CNBD1: variants seen among roughly 807,000 people sequenced by gnomAD.
CNBD1 encodes cyclic nucleotide binding domain containing 1.
A neutral mutation model predicts 54.4 loss-of-function variants in CNBD1; 71 were observed. The ratio of observed to expected loss-of-function variants is 1.30; its 90% CI spans 1.08 to 1.59. The LOEUF (loss-of-function observed/expected upper bound fraction) is 1.59. CNBD1 is among the 40% of genes most tolerant of loss of function. The pLI is 0.00. For synonymous variants in CNBD1, 182 were observed against 170.7 expected, an observed-to-expected ratio of 1.07 and a Z score of -0.51; for missense variants, 659 against 518.0, an observed-to-expected ratio of 1.27 and a Z score of -2.64.
chr8:86,914,488 G>A (rs1438859762), intron 3 of CNBD1, among the ~76,000 whole-genome samples: 5 of 152,208 alleles, frequency 3.3e-5, no homozygotes, highest in Non-Finnish European at 5.9e-5. Flanking sequence ...GTGTAAGCAC[G>A]CTCTATGATG....
chr8:87,427,211 ATGTCCTTTGAAACATACATCT>A (rs1808065544), intron 2 of CNBD1, among the ~76,000 whole-genome samples: 1 of 152,060 alleles, frequency 6.6e-6, no homozygotes, highest in South Asian at 2.1e-4. Context: ...ATTATCTTGT[ATGTCCTTTGAAACATACATCT>A]TTTGTATGTT....
intron 4 of CNBD1, among the ~76,000 whole-genome samples, chr8:86,970,984 CA>C (rs1808206857): frequency 6.6e-6 from 1 of 152,046 alleles, no homozygotes; most frequent in Admixed American, 6.6e-5. Context: ...AGTTCTTTGC[CA>C]AAAATCTTCA....
intron 8 of CNBD1, among the ~76,000 whole-genome samples, chr8:87,316,190 T>C (rs1396399696): frequency 1.3e-5 from 2 of 151,986 alleles, no homozygotes; most frequent in African/African-American, 4.8e-5. Context: ...TATTGTTGCA[T>C]ACATAAAAAA....
At chr8:87,382,576 G>A (rs373172209) in intron 10 of CNBD1, 44 bp from the exon 11 acceptor site, 2 of 1,496,984 alleles carry the variant, frequency 1.3e-6, no homozygotes, top group Non-Finnish European at 1.8e-6. Context: ...CCAAAAATGA[G>A]TATTTATTAT....
chr8:86,969,251 T>C (rs1808164695), intron 4 of CNBD1, among the ~76,000 whole-genome samples: 1 of 152,192 alleles, frequency 6.6e-6, no homozygotes, highest in Non-Finnish European at 1.5e-5. Flanking sequence ...AAAATCTAAC[T>C]ATAAAGCTCA....
At chr8:86,998,664 A>G (rs983833420) in intron 4 of CNBD1, among the ~76,000 whole-genome samples, 1 of 152,212 alleles carries the variant, frequency 6.6e-6, no homozygotes, top group Non-Finnish European at 1.5e-5. Flanking sequence ...GAAAATAATG[A>G]GGACAACTGT....
intron 8 of CNBD1, among the ~76,000 whole-genome samples, chr8:87,345,711 G>T (rs1810161594): frequency 6.6e-6 from 1 of 151,942 alleles, no homozygotes; most frequent in Non-Finnish European, 1.5e-5. Context: ...AGCTCTTTAT[G>T]AAATAAACAT....
At chr8:87,416,795 A>G (rs1206984168) in intron 2 of CNBD1, among the ~76,000 whole-genome samples, 1 of 152,046 alleles carries the variant, frequency 6.6e-6, no homozygotes, top group Non-Finnish European at 1.5e-5. Context: ...GCATTCTATG[A>G]GTATTACCAA....
At chr8:87,382,240 C>T (rs13280376) in intron 10 of CNBD1, among the ~76,000 whole-genome samples, 40,758 of 151,678 alleles carry the variant, frequency 0.27, 6,421 homozygotes, top group Middle Eastern at 0.4. Context: ...TGGTTAGATA[C>T]AAAATAGGTA....
intron 2 of CNBD1, among the ~76,000 whole-genome samples, chr8:87,398,087 A>G (rs1811441292): frequency 2.0e-5 from 3 of 151,166 alleles, no homozygotes; most frequent in Admixed American, 1.3e-4. Flanking sequence ...TACGTCATCA[A>G]TTTTCTCTAA....
chr8:87,424,163 C>G (rs1232317000), intron 2 of CNBD1, among the ~76,000 whole-genome samples: 4 of 151,772 alleles, frequency 2.6e-5, no homozygotes, highest in Non-Finnish European at 4.4e-5. Context: ...TGACTCTTCT[C>G]CCTTTTTTCT....
intron 8 of CNBD1, among the ~76,000 whole-genome samples, chr8:87,308,585 T>C (rs544747870): frequency 2.0e-5 from 3 of 152,302 alleles, no homozygotes; most frequent in African/African-American, 4.8e-5. Flanking sequence ...GTTATTTCTT[T>C]GTGTTAGAAA....
chr8:86,902,695 G>C (rs1488505310), intron 2 of CNBD1, among the ~76,000 whole-genome samples: 1 of 151,864 alleles, frequency 6.6e-6, no homozygotes, highest in Non-Finnish European at 1.5e-5. Flanking sequence ...CAATGAAGTG[G>C]CAACTTCTTT....
intron 9 of CNBD1, 38 bp from the exon 10 acceptor site, chr8:87,353,598 C>T (rs1178369488): frequency 1.1e-5 from 15 of 1,311,694 alleles, no homozygotes; most frequent in Admixed American, 4.2e-5. Flanking sequence ...TATATGGAAG[C>T]AGTTGCATTA....
chr8:87,381,004 C>A (rs1016487487), intron 10 of CNBD1, among the ~76,000 whole-genome samples: 2 of 151,934 alleles, frequency 1.3e-5, no homozygotes, highest in African/African-American at 2.4e-5. Flanking sequence ...ATGGATGTGA[C>A]ACCAAAAGCA....
chr8:87,301,974 T>G (rs183998374), intron 8 of CNBD1, among the ~76,000 whole-genome samples: 1 of 152,116 alleles, frequency 6.6e-6, no homozygotes, highest in African/African-American at 2.4e-5. Context: ...AATAACAGGC[T>G]CTGAAATTGA....
At chr8:86,986,628 G>C (rs889367171) in intron 4 of CNBD1, among the ~76,000 whole-genome samples, 1 of 152,134 alleles carries the variant, frequency 6.6e-6, no homozygotes, top group Non-Finnish European at 1.5e-5. Context: ...TTTTCTGGTA[G>C]GATTTTTATA....
intron 2 of CNBD1, among the ~76,000 whole-genome samples, chr8:87,401,692 A>G (rs1208742539): frequency 2.6e-5 from 4 of 152,032 alleles, no homozygotes; most frequent in Admixed American, 2.6e-4. Flanking sequence ...CTACTTGCAA[A>G]TCTCAATTAG....
At chr8:86,971,792 A>AGC (rs1808224792) in intron 4 of CNBD1, among the ~76,000 whole-genome samples, 1 of 152,132 alleles carries the variant, frequency 6.6e-6, no homozygotes, top group South Asian at 2.1e-4. Flanking sequence ...AGCTCTCTCT[A>AGC]TATTTGTAAC....
Sources: allele counts gnomAD v4.1 joint callset (sites outside exome capture counted in the v4.1 genomes callset), GRCh38; gene constraint gnomAD v4.1.1; transcripts MANE v1.5; gene names NCBI Gene and HGNC (gene_info 2026-07-23, HGNC 2026-07-21).